Variants in EMID1 observed in about 807,000 individuals in gnomAD.
EMID1 encodes the protein EMI domain containing 1, also known as EMI domain-containing protein 1.
A neutral mutation model predicts 60.6 loss-of-function variants in EMID1; 40 were observed. That is an observed-to-expected ratio of 0.66 (90% CI 0.51 to 0.86). The LOEUF (loss-of-function observed/expected upper bound fraction) is 0.86. Ranked by LOEUF, EMID1 falls within the 40% of genes least tolerant of loss-of-function variation. The probability of loss-of-function intolerance (pLI) is 0.00; values close to 1 mark genes in which losing one functional copy is unlikely to be tolerated. For synonymous variants in EMID1, 242 were observed against 231.0 expected (o/e 1.05, Z -0.43); for missense variants, 585 against 597.1 (o/e 0.98, Z 0.21).
chr22:29,231,423 G>A (rs1449547893), intron 6 of EMID1, 170 bp from the exon 7 acceptor site: 1 of 836,736 alleles, frequency 1.2e-6, no homozygotes, highest in South Asian at 1.5e-5. Context: ...AGGCCCAGCA[G>A]GGACACTGAC....
At chr22:29,235,522 C>G (rs1268256653) in intron 12 of EMID1, among the ~76,000 whole-genome samples, 1 of 150,996 alleles carries the variant, frequency 6.6e-6, no homozygotes, top group East Asian at 1.9e-4. Flanking sequence ...TTTCTTTTTT[C>G]CCTTTTCTTT....
intron 13 of EMID1, among the ~76,000 whole-genome samples, chr22:29,252,147 G>T (rs895342433): frequency 2.0e-5 from 3 of 152,274 alleles, no homozygotes; most frequent in African/African-American, 7.2e-5. Context: ...TGTAATACTC[G>T]AAAGGGGATT....
At position 29,234,334 on chromosome 22, in the gene EMID1, C is replaced by G; in HGVS notation, c.1059C>G (p.Gly353=). 1 of 1,614,012 alleles carries G rather than the reference C, an allele frequency of 6.2e-7. No homozygotes were observed. The highest frequency in any genetic ancestry group is 8.5e-7 in the Non-Finnish European group (1 of 1,180,004). The stretch of plus-strand genomic sequence containing the variant: ...TGCGTGGGGAGCCTGGCCCCCAAGG[C>G]TCTGCTGGGCAGCGGGTAAGTGTTG... ...RGLRGEPGPQ[G]SAGQRGEPGP... Residue 353 remains glycine (G), a synonymous_variant, in exon 12 of 15, where the codon GGC becomes GGG. Transcript: ENST00000334018.
At chr22:29,252,893 C>T (rs566819327) in intron 13 of EMID1, among the ~76,000 whole-genome samples, 1 of 152,184 alleles carries the variant, frequency 6.6e-6, no homozygotes, top group African/African-American at 2.4e-5. Flanking sequence ...AGGCAGGGAG[C>T]CCAAAGCGTG....
In EMID1 at chr22:29,234,140, C is replaced by A. The variant is rs1203796956; in HGVS notation, c.970C>A (p.Pro324Thr). 1.9e-6 allele frequency: 3 copies of A among 1,587,668 alleles called. No homozygotes were observed. The highest frequency in any genetic ancestry group is 2.6e-6 in the Non-Finnish European group (3 of 1,166,388). Residue 324 changes from proline to threonine, a missense_variant, in exon 11 of 15, where the codon CCC becomes ACC. Physicochemically the swap from Pro to Thr is conservative, Grantham distance 38 (BLOSUM62 -1). Transcript: ENST00000334018. Reference protein sequence around the residue: ...GVPGSPGHIGPPGPTGPKGIS... With the variant: ...GVPGSPGHIGTPGPTGPKGIS... ...GAGGCCCTGTCTTGTTGCTCAGGGACCCCCAGGCCCCACTGGACCCAAAGG... is the reference window on the plus strand; with the variant it reads ...GAGGCCCTGTCTTGTTGCTCAGGGAACCCCAGGCCCCACTGGACCCAAAGG...
At chr22:29,214,818 G>A in intron 1 of EMID1, 108 bp from the exon 2 acceptor site, 1 of 723,466 alleles carries the variant, frequency 1.4e-6, no homozygotes, top group East Asian at 2.9e-5. Flanking sequence ...GCTGCCTGGG[G>A]ATTCAGGGCT....
At chr22:29,231,709 G>A (rs1158404025) in intron 7 of EMID1, 27 bp downstream of exon 7, 3 of 1,439,088 alleles carry the variant, frequency 2.1e-6, no homozygotes, top group Non-Finnish European at 2.7e-6. Flanking sequence ...CTGCCCCACA[G>A]CTCCTCTGGC....
chr22:29,253,953 C>T, intron 13 of EMID1: 2 of 985,446 alleles, frequency 2.0e-6, no homozygotes, highest in Non-Finnish European at 2.4e-6. Context: ...GCGGCCTTGT[C>T]AGAGAGCAGC....
intron 3 of EMID1, among the ~76,000 whole-genome samples, chr22:29,218,506 G>A (rs1242641701): frequency 6.6e-6 from 1 of 152,172 alleles, no homozygotes; most frequent in Non-Finnish European, 1.5e-5. Context: ...GCCAGGATTG[G>A]GACCTGTCTG....
intron 3 of EMID1, among the ~76,000 whole-genome samples, chr22:29,220,511 G>A (rs560332889): frequency 2.6e-5 from 4 of 152,010 alleles, no homozygotes; most frequent in African/African-American, 7.2e-5. Context: ...CTGGACTGGG[G>A]CTGGGAAGGC....
At chr22:29,213,997 TG>T (rs1187321220) in intron 1 of EMID1, among the ~76,000 whole-genome samples, 1 of 152,154 alleles carries the variant, frequency 6.6e-6, no homozygotes, top group African/African-American at 2.4e-5. Context: ...AAAAACAGGG[TG>T]GGGGTACCTT....
intron 13 of EMID1, among the ~76,000 whole-genome samples, chr22:29,252,548 G>A (rs983631059): frequency 6.6e-6 from 1 of 152,214 alleles, no homozygotes; most frequent in African/African-American, 2.4e-5. Context: ...CTAGGAAAGA[G>A]GAAGGAGTGA....
At chr22:29,225,335 A>C (rs548952655) in intron 4 of EMID1, 119 bp downstream of exon 4, 4 of 1,028,658 alleles carry the variant, frequency 3.9e-6, no homozygotes, top group Non-Finnish European at 5.7e-6. Flanking sequence ...GGTCAAGGAC[A>C]GTAACTATCT....
chr22:29,241,251 A>G (rs564924095), intron 12 of EMID1, among the ~76,000 whole-genome samples: 21 of 152,088 alleles, frequency 1.4e-4, no homozygotes, highest in South Asian at 1.0e-3. Context: ...GTAAGTTGTG[A>G]TAGTCTGGAT....
Position 29,216,690 on chromosome 22 carries a change from T to C in EMID1, c.319+1060T>C, listed in dbSNP as rs554460534. ...CTCCCGGGGACCCTCAACAGCCCAGTTCACAGATAGGGTGACTGAGGCCCA... is the reference window on the plus strand; with the variant it reads ...CTCCCGGGGACCCTCAACAGCCCAGCTCACAGATAGGGTGACTGAGGCCCA... On this transcript the variant is annotated intron_variant, in intron 3 of 14. Transcript: ENST00000334018. 12 of 981,106 alleles carry C rather than the reference T, an allele frequency of 1.2e-5. No homozygotes were observed. In the South Asian group the frequency reaches 5.2e-4, roughly 42 times the overall value. The allele number at this position is 981,106 out of a possible 1,614,324, so 60.8% of individuals were successfully genotyped here.
rs546983853 is a variant in EMID1, at chr22:29,231,446, C to A, written c.587-147C>A. 455 of 909,160 alleles carry A rather than the reference C, an allele frequency of 5.0e-4. 2 individuals are homozygous for A. Among genetic ancestry groups the A allele is most frequent in the Middle Eastern group, 1.3e-3 (5 of 3,970 alleles). 56.3% of individuals were successfully genotyped at this position (909,160 alleles called of 1,614,324 possible). On this transcript the variant is annotated intron_variant, in intron 6 of 14. Coordinates refer to ENST00000334018, the MANE Select transcript of EMID1 (RefSeq NM_133455.4). ...CAGGGACACTGACCTCTGCCTACCC[C>A]CCCCACCCCAGGGCTGCCAGGAGCC...
At chr22:29,233,804 C>A in intron 10 of EMID1, 138 bp downstream of exon 10, 1 of 881,758 alleles carries the variant, frequency 1.1e-6, no homozygotes, top group Non-Finnish European at 1.7e-6. Flanking sequence ...ATTCATTCAA[C>A]AAGTATTTAT....
chr22:29,231,135 T>C lies in EMID1; in HGVS notation c.581T>C (p.Leu194Pro), dbSNP rs1297618759. The stretch of plus-strand genomic sequence containing the variant: ...CAGGGCAGCCCCGGAGATGGAGGCC[T>C]CCAGGGTGAGTGTCAGACTCAGACT... ...PAQGSPGDGG[L>P]QDQVGAWGLP... Residue 194 changes from leucine to proline, a missense_variant, in exon 6 of 15, where the codon CTC becomes CCC. Transcript: ENST00000334018. 1 of 1,600,388 alleles carries C rather than the reference T, an allele frequency of 6.2e-7. No homozygotes were observed.
At position 29,231,349 on chromosome 22, in the gene EMID1, G is replaced by C. The variant is rs546500993; in HGVS notation, c.586+209G>C. ...AGTCCCTGGAGACCAAGCAGCCCCA[G>C]CAGACCCTGCCTGGAGGTCGGGGGG... is the stretch of plus-strand genomic sequence containing the variant. On this transcript the variant is annotated intron_variant, in intron 6 of 14. Coordinates refer to ENST00000334018, the MANE Select transcript of EMID1 (RefSeq NM_133455.4). 2.0e-3 allele frequency: 1,726 copies of C among 868,508 alleles called. 20 individuals carry two copies. Among genetic ancestry groups the C allele is most frequent in the East Asian group, 3.2e-4 (12 of 37,508 alleles). 53.8% of individuals were successfully genotyped at this position (868,508 alleles called of 1,614,324 possible). A position where few individuals can be genotyped will look rare whatever the true frequency, so the allele number is the denominator to read the frequency against.
Sources: allele counts gnomAD v4.1 joint callset (sites outside exome capture counted in the v4.1 genomes callset), GRCh38; gene constraint gnomAD v4.1.1; transcripts MANE v1.5; gene names NCBI Gene and HGNC (gene_info 2026-07-23, HGNC 2026-07-21).